The following VPS26A variants were observed in gnomAD, a reference collection of about 807,000 sequenced individuals.
The protein encoded by VPS26A is vacuolar protein sorting-associated protein 26A.
VPS26A carries 22 observed loss-of-function variants against 42.4 expected under a neutral mutation model. The observed-to-expected ratio is 0.52, with a 90% confidence interval of 0.37 to 0.74. VPS26A has a LOEUF of 0.74. Among genes scored for constraint, VPS26A ranks in the 30% least tolerant of loss-of-function variants. The probability of loss-of-function intolerance (pLI) is 0.00; values close to 1 mark genes in which losing one functional copy is unlikely to be tolerated. For missense variants in VPS26A, 276 were observed against 379.2 expected, an observed-to-expected ratio of 0.73 and a Z score of 2.26; for synonymous variants, 110 against 123.5, an observed-to-expected ratio of 0.89 and a Z score of 0.73.
chr10:69,134,495 TTGCA>T (rs1840861055), intron 2 of VPS26A, among the ~76,000 whole-genome samples: 1 of 152,346 alleles, frequency 6.6e-6, no homozygotes, highest in African/African-American at 2.4e-5. Context: ...GAAAATGTAT[TTGCA>T]TTAAATTACA....
intron 6 of VPS26A, among the ~76,000 whole-genome samples, chr10:69,162,894 GC>G (rs1841591307): frequency 1.3e-5 from 2 of 152,100 alleles, no homozygotes; most frequent in Admixed American, 1.3e-4. Flanking sequence ...CCTGTGAATA[GC>G]CACTGCACTT....
intron 2 of VPS26A, among the ~76,000 whole-genome samples, chr10:69,153,224 AT>A (rs1165326398): frequency 6.6e-6 from 1 of 151,576 alleles, no homozygotes; most frequent in Non-Finnish European, 1.5e-5. Context: ...TAATTTTCGT[AT>A]TTTTAGTAGA....
intron 2 of VPS26A, among the ~76,000 whole-genome samples, chr10:69,149,311 G>T (rs549691130): frequency 3.7e-4 from 57 of 152,086 alleles, no homozygotes; most frequent in Non-Finnish European, 7.9e-4. Context: ...TTCCAAAAGT[G>T]TGTAAGCTGA....
chr10:69,128,230 A>ATTT (rs34855332), intron 1 of VPS26A, among the ~76,000 whole-genome samples: 4,761 of 122,014 alleles, frequency 0.039, 336 homozygotes, highest in African/African-American at 0.13. Flanking sequence ...TTGGGATTTG[A>ATTT]TTTTTTTTTT....
At chr10:69,156,672 C>T (rs1359376412) in intron 3 of VPS26A, among the ~76,000 whole-genome samples, 1 of 152,046 alleles carries the variant, frequency 6.6e-6, no homozygotes, top group African/African-American at 2.4e-5. Flanking sequence ...ATTTGCCTAA[C>T]TAAAGCAAAA....
At chr10:69,153,046 GTT>G (rs1225536571) in intron 2 of VPS26A, among the ~76,000 whole-genome samples, 3 of 137,108 alleles carry the variant, frequency 2.2e-5, no homozygotes, top group East Asian at 2.1e-4. Context: ...ATGTTAAGTT[GTT>G]TTTTTTTTTT....
intron 2 of VPS26A, among the ~76,000 whole-genome samples, chr10:69,146,588 C>T (rs972645241): frequency 6.6e-6 from 1 of 152,132 alleles, no homozygotes; most frequent in African/African-American, 2.4e-5. Context: ...CATCTTCCAG[C>T]CCCTGGTAAC....
At chr10:69,171,112 C>A in intron 8 of VPS26A, 44 bp from the exon 9 acceptor site, 1 of 1,451,428 alleles carries the variant, frequency 6.9e-7, no homozygotes, top group Non-Finnish European at 9.6e-7. Context: ...GATAAGGCAT[C>A]ATATCAAACA....
At chr10:69,124,343 G>GC in intron 1 of VPS26A, 63 bp downstream of exon 1, 1 of 1,228,636 alleles carries the variant, frequency 8.1e-7, no homozygotes, top group East Asian at 3.3e-5. Flanking sequence ...CGGCGGGCCG[G>GC]CCAACCGCGG....
At chr10:69,146,298 G>A (rs1358842074) in intron 2 of VPS26A, among the ~76,000 whole-genome samples, 1 of 152,094 alleles carries the variant, frequency 6.6e-6, no homozygotes, top group African/African-American at 2.4e-5. Flanking sequence ...TGTTGGCCAG[G>A]CTGGTCTCAA....
chr10:69,132,204 A>C (rs1023734209), intron 1 of VPS26A, among the ~76,000 whole-genome samples: 1 of 152,226 alleles, frequency 6.6e-6, no homozygotes, highest in African/African-American at 2.4e-5. Context: ...CTCATAAATA[A>C]AAGTATAAAT....
At chr10:69,160,127 TACACAC>T (rs71035066) in intron 5 of VPS26A, among the ~76,000 whole-genome samples, 1,976 of 148,432 alleles carry the variant, frequency 0.013, 17 homozygotes, top group African/African-American at 0.02. Flanking sequence ...ACATAATTTT[TACACAC>T]ACACACACAC....
chr10:69,130,158 A>C (rs2132184488), intron 1 of VPS26A, among the ~76,000 whole-genome samples: 1 of 152,334 alleles, frequency 6.6e-6, no homozygotes, highest in Middle Eastern at 3.4e-3. Flanking sequence ...TGTTATTAAA[A>C]TGGTATGTGT....
At chr10:69,165,355 C>A (rs1482769321) in intron 6 of VPS26A, among the ~76,000 whole-genome samples, 1 of 152,110 alleles carries the variant, frequency 6.6e-6, no homozygotes, top group Non-Finnish European at 1.5e-5. Flanking sequence ...ATAAAATTCT[C>A]ACCCAAGGCA....
At position 69,124,255 on chromosome 10, in the gene VPS26A, G is replaced by A; in HGVS notation, c.-23G>A. ...CTGAGGGAAGAGGAGTGGAGTAGGG[G>A]GGACGCGGCGGCGGCGTTGACAATG... On this transcript the variant is annotated 5_prime_UTR_variant, in exon 1 of 9. Transcript: ENST00000263559. 1 of 1,285,242 alleles carries A rather than the reference G, an allele frequency of 7.8e-7. No homozygotes were observed. The highest frequency in any genetic ancestry group is 9.9e-7 in the Non-Finnish European group (1 of 1,010,980). 79.6% of individuals were successfully genotyped at this position (1,285,242 alleles called of 1,614,324 possible). A position where few individuals can be genotyped will look rare whatever the true frequency, so the allele number is the denominator to read the frequency against.
chr10:69,128,626 G>A (rs1840710964), intron 1 of VPS26A, among the ~76,000 whole-genome samples: 1 of 152,032 alleles, frequency 6.6e-6, no homozygotes, highest in African/African-American at 2.4e-5. Flanking sequence ...CCTTTTCTCT[G>A]TAAAACAATT....
At chr10:69,127,360 T>C (rs1406734442) in intron 1 of VPS26A, among the ~76,000 whole-genome samples, 2 of 151,018 alleles carry the variant, frequency 1.3e-5, no homozygotes, top group African/African-American at 4.9e-5. Context: ...AAGAGCATCC[T>C]GGCTAACACG....
intron 6 of VPS26A, among the ~76,000 whole-genome samples, chr10:69,165,622 C>T (rs1476685470): frequency 6.6e-6 from 1 of 151,888 alleles, no homozygotes; most frequent in Non-Finnish European, 1.5e-5. Flanking sequence ...GCCTGGGCAT[C>T]ATGGTGAAAC....
chr10:69,154,699 CA>C (rs773643366), intron 2 of VPS26A, among the ~76,000 whole-genome samples: 1 of 151,912 alleles, frequency 6.6e-6, no homozygotes, highest in Non-Finnish European at 1.5e-5. Context: ...CTCATCTCTA[CA>C]AAAAAAATTT....
Sources: gnomAD v4.1 joint callset for allele counts (sites outside exome capture counted in the v4.1 genomes callset) on GRCh38, gnomAD v4.1.1 for gene constraint, MANE v1.5 for transcripts, NCBI Gene and HGNC (gene_info 2026-07-23, HGNC 2026-07-21) for gene names.